ZNF619: variants seen among roughly 807,000 people sequenced by gnomAD.
ZNF619 encodes zinc finger protein 619.
Under a neutral mutation model 14.2 loss-of-function variants are expected in ZNF619, and 9 were observed. That is an observed-to-expected ratio of 0.64 (90% CI 0.38 to 1.11). The LOEUF is 1.11. Among genes scored for constraint, ZNF619 ranks in the 50% least tolerant of loss-of-function variants. The pLI is 0.01. For missense variants in ZNF619, 659 were observed against 680.1 expected (o/e 0.97, Z 0.34); for synonymous variants, 246 against 252.8 (o/e 0.97, Z 0.26).
chr3:40,486,362 G>C (rs977896954), intron 4 of ZNF619, among the ~76,000 whole-genome samples: 3 of 152,118 alleles, frequency 2.0e-5, no homozygotes, highest in African/African-American at 7.2e-5. Flanking sequence ...TTCCCCTTGA[G>C]GTACCATCAG....
chr3:40,486,616 A>G (rs770103706), intron 4 of ZNF619, among the ~76,000 whole-genome samples, 190 bp from the exon 5 acceptor site: 1 of 151,536 alleles, frequency 6.6e-6, no homozygotes, highest in Non-Finnish European at 1.5e-5. Context: ...TAGGAGAATC[A>G]CTTGAACCTG....
intron 2 of ZNF619, among the ~76,000 whole-genome samples, 190 bp downstream of exon 2, chr3:40,478,193 G>C (rs958811191): frequency 6.6e-6 from 1 of 152,178 alleles, no homozygotes; most frequent in Non-Finnish European, 1.5e-5. Flanking sequence ...GGTTGGAAAA[G>C]AAGGAATGAA....
rs1284730017 is a variant in ZNF619, at chr3:40,487,304, GT to G, written c.795del (p.Cys265TrpfsTer39). The G allele has an allele frequency of 6.2e-7, 1 of 1,614,060 alleles. No individual in the cohort carries two copies. Among genetic ancestry groups the G allele is most frequent in the African/African-American group, 1.3e-5 (1 of 74,934 alleles). ...GAGAAACCATACTCATGTGAGGAAT[GT>G]GGACAAGCCTTCAGTCAAAATTCCC... ...TGEKPYSCEECGQAFSQNSHL... is the reference protein window; with the variant it reads ...TGEKPYSCEEXGQAFSQNSHL... On this transcript the variant is annotated frameshift_variant, in exon 5 of 5. Transcript: ENST00000432264. LOFTEE classifies it low-confidence loss of function (END_TRUNC).
At chr3:40,483,944 G>T (rs918343455) in intron 4 of ZNF619, among the ~76,000 whole-genome samples, 1 of 147,456 alleles carries the variant, frequency 6.8e-6, no homozygotes, top group African/African-American at 2.5e-5. Flanking sequence ...TTTATTTTTT[G>T]AGTCAGAGTC....
chr3:40,486,374 T>C (rs981422250), intron 4 of ZNF619, among the ~76,000 whole-genome samples: 18 of 152,338 alleles, frequency 1.2e-4, no homozygotes, highest in African/African-American at 4.1e-4. Flanking sequence ...TACCATCAGA[T>C]GGCTGTGTCT....
chr3:40,482,317 C>A (rs1697430034), intron 3 of ZNF619: 5 of 1,552,806 alleles, frequency 3.2e-6, no homozygotes, highest in Non-Finnish European at 4.4e-6. Context: ...TCTTCCAGTT[C>A]CCTGGAGCTG....
In ZNF619 at chr3:40,487,130, G is replaced by A. The variant is rs1045674990; in HGVS notation, c.620G>A (p.Gly207Asp). The change falls in exon 5 of 5, where the codon GGT (glycine) becomes GAT (aspartate). Residue 207 changes from glycine to aspartate, a missense_variant. Transcript: ENST00000432264. ...FAKEQVFYKCGECGSYYNPHS... is the reference protein window; with the variant it reads ...FAKEQVFYKCDECGSYYNPHS... The stretch of plus-strand genomic sequence containing the variant: ...AAAGAACAGGTGTTTTATAAATGTG[G>A]TGAGTGTGGCAGTTACTACAACCCA... 4 of 1,614,016 alleles carry A rather than the reference G, an allele frequency of 2.5e-6. No homozygotes were observed. The African/African-American group carries it at 5.3e-5, about 22-fold the overall frequency.
intron 3 of ZNF619, chr3:40,482,229 G>C: frequency 6.4e-7 from 1 of 1,551,586 alleles, no homozygotes; most frequent in Non-Finnish European, 8.7e-7. Context: ...TCCTAATGGA[G>C]ACCCAACTGC....
chr3:40,480,408 T>C (rs1392967983), intron 2 of ZNF619, among the ~76,000 whole-genome samples: 2 of 152,174 alleles, frequency 1.3e-5, no homozygotes, highest in Non-Finnish European at 2.9e-5. Context: ...ATCATGCAAA[T>C]ATTCTGCTTC....
At chr3:40,477,871 A>G in intron 1 of ZNF619, 47 bp from the exon 2 acceptor site, 1 of 1,044,068 alleles carries the variant, frequency 9.6e-7, no homozygotes, top group Non-Finnish European at 1.4e-6. Flanking sequence ...AAGAGGCGGC[A>G]AGTGTAGGAG....
chr3:40,479,318 T>C (rs927408381), intron 2 of ZNF619, among the ~76,000 whole-genome samples: 2 of 152,188 alleles, frequency 1.3e-5, no homozygotes, highest in East Asian at 1.9e-4. Context: ...CAACCTCAAG[T>C]AAAATTAGGA....
chr3:40,477,827 A>G, intron 1 of ZNF619, 91 bp from the exon 2 acceptor site: 1 of 674,602 alleles, frequency 1.5e-6, no homozygotes, highest in Non-Finnish European at 2.6e-6. Flanking sequence ...TGTGCCAAGA[A>G]TATCTGCAAT....
chr3:40,487,853 G>A lies in ZNF619; in HGVS notation c.1343G>A (p.Arg448Gln), dbSNP rs746083448. ...SQKITLVQHQ[R>Q]VHTGEKPYEC... The stretch of plus-strand genomic sequence containing the variant: ...AAGATCACTCTGGTTCAGCATCAGC[G>A]AGTTCACACTGGGGAGAAACCTTAT... Residue 448 changes from arginine (R) to glutamine (Q), a missense_variant, in exon 5 of 5, where the codon CGA (arginine) becomes CAA (glutamine). Physicochemically the swap from Arg to Gln is conservative, Grantham distance 43 (BLOSUM62 1). Transcript: ENST00000432264. The A allele has an allele frequency of 3.3e-5, 54 of 1,614,082 alleles. No homozygotes were observed. In the African/African-American group the frequency reaches 4.4e-4, roughly 13 times the overall value.
rs113659101 is a variant in ZNF619, at chr3:40,487,872, A to G, written c.1362A>G (p.Lys454=). The change falls in exon 5 of 5, where the codon AAA becomes AAG. Residue 454 remains lysine, a synonymous_variant. Transcript: ENST00000432264. ...ATCAGCGAGTTCACACTGGGGAGAA[A>G]CCTTATGAGTGTAAGGAGTGCGGGA... ...VQHQRVHTGE[K]PYECKECGKA... is the part of the protein sequence containing the mutation. 478 of 1,614,138 alleles carry G rather than the reference A, an allele frequency of 3.0e-4. 5 individuals carry two copies. The African/African-American group carries it at 4.4e-3, about 15-fold the overall frequency.
At chr3:40,480,743 G>C (rs186558361) in intron 2 of ZNF619, among the ~76,000 whole-genome samples, 1 of 152,006 alleles carries the variant, frequency 6.6e-6, no homozygotes, top group Admixed American at 6.6e-5. Context: ...CTCGCGATCT[G>C]CCCGCCTCGG....
In ZNF619 at chr3:40,490,872, A is replaced by G. The variant is rs1006174625; in HGVS notation, c.*2631A>G. On this transcript the variant is annotated 3_prime_UTR_variant, in exon 5 of 5. Coordinates refer to ENST00000432264, the MANE Select transcript of ZNF619 (RefSeq NM_001145093.4). ...TGGCATGGGGGTTGGTGCCCATATG[A>G]TGGGACTGATGGCTTTATAAGAAGA... Among the ~76,000 whole-genome samples, 1 of 152,084 alleles carries G rather than the reference A, an allele frequency of 6.6e-6. No individual in the cohort carries two copies. The highest frequency in any genetic ancestry group is 2.4e-5 in the African/African-American group (1 of 41,408).
chr3:40,487,118 TTTA>T lies in ZNF619; in HGVS notation c.610_612del (p.Tyr204del), dbSNP rs1479596928. On this transcript the variant is annotated inframe_deletion, in exon 5 of 5. Coordinates refer to ENST00000432264, the MANE Select transcript of ZNF619 (RefSeq NM_001145093.4). ...CAGGGTTTTGCCAAAGAACAGGTGT[TTTA>T]TAAATGTGGTGAGTGTGGCAGTTAC... 1 of 1,613,978 alleles carries T rather than the reference TTTA, an allele frequency of 6.2e-7. No individual in the cohort carries two copies. Among genetic ancestry groups the T allele is most frequent in the African/African-American group, 1.3e-5 (1 of 74,936 alleles).
intron 4 of ZNF619, chr3:40,483,637 T>G (rs2125639163): frequency 2.2e-6 from 1 of 451,556 alleles, no homozygotes; most frequent in South Asian, 1.6e-5. Flanking sequence ...ATTTGTTTGT[T>G]TATTTTTTGA....
At chr3:40,478,534 G>A (rs1436413138) in intron 2 of ZNF619, among the ~76,000 whole-genome samples, 9 of 152,292 alleles carry the variant, frequency 5.9e-5, no homozygotes, top group South Asian at 2.1e-4. Flanking sequence ...GATTGATGAG[G>A]GAGATGTATT....
Sources: allele counts gnomAD v4.1 joint callset (sites outside exome capture counted in the v4.1 genomes callset), GRCh38; gene constraint gnomAD v4.1.1; transcripts MANE v1.5; gene names NCBI Gene and HGNC (gene_info 2026-07-23, HGNC 2026-07-21).